PTH2R: variants seen among roughly 807,000 people sequenced by gnomAD.
PTH2R encodes parathyroid hormone 2 receptor.
A neutral mutation model predicts 60.3 loss-of-function variants in PTH2R; 59 were observed. The observed-to-expected ratio is 0.98, with a 90% CI of 0.79 to 1.22. The LOEUF (loss-of-function observed/expected upper bound fraction) is 1.22. Among genes scored for constraint, PTH2R ranks in the 50% most tolerant of loss-of-function variants. The pLI is 0.00. For missense variants in PTH2R, 749 were observed against 682.6 expected, an observed-to-expected ratio of 1.10 and a Z score of -1.08; for synonymous variants, 256 against 243.8, an observed-to-expected ratio of 1.05 and a Z score of -0.47.
intron 1 of PTH2R, among the ~76,000 whole-genome samples, chr2:208,387,964 G>C (rs1450443581): frequency 6.6e-6 from 1 of 152,136 alleles, no homozygotes; most frequent in African/African-American, 2.4e-5. Flanking sequence ...TCCTTGAGGA[G>C]GTAGGCTAAA....
chr2:208,430,738 T>C (rs971866446), intron 2 of PTH2R, among the ~76,000 whole-genome samples: 2 of 151,998 alleles, frequency 1.3e-5, no homozygotes, highest in Non-Finnish European at 2.9e-5. Context: ...TTGTTTTTTG[T>C]ATTTTTTTAG....
At chr2:208,478,083 C>T (rs973701749) in intron 9 of PTH2R, among the ~76,000 whole-genome samples, 2 of 151,844 alleles carry the variant, frequency 1.3e-5, no homozygotes, top group African/African-American at 4.8e-5. Context: ...ATGTCACCTT[C>T]CCATTTGCAG....
intron 1 of PTH2R, among the ~76,000 whole-genome samples, chr2:208,368,386 C>T (rs750925037): frequency 6.6e-6 from 1 of 152,216 alleles, no homozygotes; most frequent in Non-Finnish European, 1.5e-5. Context: ...ATAGACTTAG[C>T]TGCCATCCTA....
intron 2 of PTH2R, among the ~76,000 whole-genome samples, chr2:208,435,039 T>G (rs1278530277): frequency 6.6e-6 from 1 of 152,226 alleles, no homozygotes; most frequent in East Asian, 1.9e-4. Flanking sequence ...GCTTCGGCAA[T>G]GCACAAAGCA....
chr2:208,361,927 TG>T (rs573057212), intron 1 of PTH2R, among the ~76,000 whole-genome samples: 100 of 152,364 alleles, frequency 6.6e-4, no homozygotes, highest in African/African-American at 2.4e-3. Context: ...ACATTATTTC[TG>T]GGTATGTTAG....
chr2:208,418,972 T>A (rs1360212415), intron 1 of PTH2R, among the ~76,000 whole-genome samples: 1 of 152,234 alleles, frequency 6.6e-6, no homozygotes, highest in Non-Finnish European at 1.5e-5. Context: ...TATTTTCATA[T>A]TGTTGAAGCT....
chr2:208,407,057 G>A lies in PTH2R; in HGVS notation c.14G>A (p.Gly5Glu). The change falls in exon 1 of 13, where the codon GGG becomes GAG. Residue 5 changes from glycine (G) to glutamate (E), a missense_variant. Physicochemically the swap from Gly to Glu is moderately conservative, Grantham distance 98 (BLOSUM62 -2). Coordinates refer to ENST00000272847, the MANE Select transcript of PTH2R (RefSeq NM_005048.4). The stretch of plus-strand genomic sequence containing the variant: ...GCCGTTCCGGGCATGGCCGGGCTGG[G>A]GGCGTCGCTCCACGTCTGGGGTTGG... MAGL[G>E]ASLHVWGWLM... The A allele has an allele frequency of 7.2e-7, 1 of 1,394,862 alleles. No individual in the cohort carries two copies. The allele number at this position is 1,394,862 out of a possible 1,614,324, so 86.4% of individuals were successfully genotyped here.
At chr2:208,442,200 A>G (rs1237593198) in intron 4 of PTH2R, among the ~76,000 whole-genome samples, 164 bp from the exon 5 acceptor site, 1 of 152,196 alleles carries the variant, frequency 6.6e-6, no homozygotes, top group Non-Finnish European at 1.5e-5. Context: ...GTCAAAACCT[A>G]TCAAAATGCT....
chr2:208,406,676 AC>A (rs1424057172), upstream of PTH2R, among the ~76,000 whole-genome samples: 2 of 152,046 alleles, frequency 1.3e-5, no homozygotes, highest in Non-Finnish European at 1.5e-5. Flanking sequence ...GGGCTGCGGG[AC>A]CCAGTGACTT....
intron 9 of PTH2R, among the ~76,000 whole-genome samples, chr2:208,467,731 G>A (rs1183169186): frequency 2.0e-5 from 3 of 151,090 alleles, no homozygotes; most frequent in Non-Finnish European, 2.9e-5. Flanking sequence ...TACAAAAACT[G>A]AGAGACAGGG....
At chr2:208,441,385 C>T (rs1032707619) in intron 4 of PTH2R, among the ~76,000 whole-genome samples, 5 of 152,224 alleles carry the variant, frequency 3.3e-5, no homozygotes, top group South Asian at 2.1e-4. Context: ...TGCAAGCCTC[C>T]GTAAATTCAG....
intron 1 of PTH2R, among the ~76,000 whole-genome samples, chr2:208,361,990 A>G (rs956644422): frequency 6.6e-6 from 1 of 152,334 alleles, no homozygotes; most frequent in Middle Eastern, 3.4e-3. Context: ...CTGAATAATG[A>G]AGATCTGCCC....
intron 9 of PTH2R, among the ~76,000 whole-genome samples, chr2:208,465,714 T>A (rs1362589674): frequency 6.6e-6 from 1 of 152,094 alleles, no homozygotes; most frequent in Admixed American, 6.6e-5. Flanking sequence ...TCCTTTTTTT[T>A]TAAAAAAATA....
chr2:208,470,722 T>G (rs952320809), intron 9 of PTH2R, among the ~76,000 whole-genome samples: 2 of 152,186 alleles, frequency 1.3e-5, no homozygotes, highest in Non-Finnish European at 2.9e-5. Flanking sequence ...TTGGTATCAG[T>G]AGAGTGGGGC....
Position 208,426,130 on chromosome 2 carries a change from A to G in PTH2R, c.76-2071A>G, listed in dbSNP as rs187731828. 3.9e-3 allele frequency among the ~76,000 whole-genome samples: 590 copies of G among 152,332 alleles called. 4 individuals are homozygous for G. Among genetic ancestry groups the G allele is most frequent in the African/African-American group, 0.013 (552 of 41,574 alleles). On this transcript the variant is annotated intron_variant, in intron 1 of 12. Coordinates refer to ENST00000272847, the MANE Select transcript of PTH2R (RefSeq NM_005048.4). Reference sequence around the variant, plus strand: ...TATTGGGTTAATTATGAAGATTTTCATGTCTTGACATTAAAATTGGTATCT... The same window carrying G: ...TATTGGGTTAATTATGAAGATTTTCGTGTCTTGACATTAAAATTGGTATCT...
chr2:208,384,134 C>T (rs1332882795), intron 1 of PTH2R, among the ~76,000 whole-genome samples: 1 of 152,146 alleles, frequency 6.6e-6, no homozygotes, highest in Non-Finnish European at 1.5e-5. Flanking sequence ...ATGTGTGGCA[C>T]AGAAAACAAG....
At chr2:208,393,496 AG>A (rs1307251495) in intron 1 of PTH2R, among the ~76,000 whole-genome samples, 1 of 152,148 alleles carries the variant, frequency 6.6e-6, no homozygotes, top group African/African-American at 2.4e-5. Context: ...GATTCCAATC[AG>A]GGTTGTCTAC....
chr2:208,401,015 G>A (rs1278308894), intron 1 of PTH2R, among the ~76,000 whole-genome samples: 1 of 152,182 alleles, frequency 6.6e-6, no homozygotes, highest in Non-Finnish European at 1.5e-5. Flanking sequence ...ATACATGAGA[G>A]TTAGTAGACA....
At chr2:208,382,693 A>G (rs939419205) in intron 1 of PTH2R, among the ~76,000 whole-genome samples, 2 of 152,228 alleles carry the variant, frequency 1.3e-5, no homozygotes, top group Non-Finnish European at 2.9e-5. Flanking sequence ...TTACTGAACT[A>G]TCAGAGACTT....
Sources: allele counts gnomAD v4.1 joint callset (sites outside exome capture counted in the v4.1 genomes callset), GRCh38; gene constraint gnomAD v4.1.1; transcripts MANE v1.5; gene names NCBI Gene and HGNC (gene_info 2026-07-23, HGNC 2026-07-21).